Variants in MYLK observed in about 807,000 individuals in gnomAD.
The protein encoded by MYLK is myosin light chain kinase, smooth muscle.
MYLK carries 106 observed loss-of-function variants against 203.4 expected under a neutral mutation model. The observed-to-expected ratio is 0.52, with a 90% confidence interval of 0.45 to 0.61. MYLK has a LOEUF of 0.61. Among genes scored for constraint, MYLK ranks in the 20% least tolerant of loss-of-function variants. The pLI, the probability that MYLK is intolerant of heterozygous loss-of-function variation, is 0.00. For synonymous variants in MYLK, 867 were observed against 959.5 expected, an observed-to-expected ratio of 0.90 and a Z score of 1.78; for missense variants, 2,072 against 2,442.3, an observed-to-expected ratio of 0.85 and a Z score of 3.20.
chr3:123,625,635 T>C (rs820452), intron 31 of MYLK, among the ~76,000 whole-genome samples: 58,057 of 151,476 alleles, frequency 0.38, 16,598 homozygotes, highest in African/African-American at 0.78. Context: ...GGTGAAACCC[T>C]GTCTCCACTA....
chr3:123,619,276 G>A (rs1000651453), intron 32 of MYLK, among the ~76,000 whole-genome samples: 1 of 152,166 alleles, frequency 6.6e-6, no homozygotes, highest in African/African-American at 2.4e-5. Flanking sequence ...ACCAGGATGT[G>A]GGATTGGTTC....
intron 2 of MYLK, among the ~76,000 whole-genome samples, chr3:123,840,911 T>C (rs1255120263): frequency 6.3e-5 from 3 of 47,758 alleles, no homozygotes; most frequent in African/African-American, 3.2e-4. Context: ...AATTCCTTGT[T>C]TTAAAAAGGC....
At chr3:123,665,488 G>C (rs2059705686) in intron 22 of MYLK, among the ~76,000 whole-genome samples, 1 of 152,158 alleles carries the variant, frequency 6.6e-6, no homozygotes, top group Non-Finnish European at 1.5e-5. Flanking sequence ...TCTGGGGCTA[G>C]GAGAATTTGA....
In MYLK at chr3:123,759,256, G is replaced by A. The variant is rs1441905921; in HGVS notation, c.166-6718C>T. 9.9e-5 allele frequency among the ~76,000 whole-genome samples: 15 copies of A among 152,088 alleles called. No homozygotes were observed. In the East Asian group the frequency reaches 2.9e-3, roughly 29 times the overall value. ...CTCCCAGCCCTTCTGGGATAGTTGTGGGGCTCCAGGCTTTCCAGAACCTCT... is the reference window on the plus strand; with the variant it reads ...CTCCCAGCCCTTCTGGGATAGTTGTAGGGCTCCAGGCTTTCCAGAACCTCT... On this transcript the variant is annotated intron_variant, in intron 4 of 33. Transcript: ENST00000360304.
chr3:123,868,164 G>A (rs1206027509), intron 2 of MYLK, among the ~76,000 whole-genome samples: 2 of 152,182 alleles, frequency 1.3e-5, no homozygotes, highest in Non-Finnish European at 2.9e-5. Context: ...CCACCAGTGG[G>A]AGAGAGTTCA....
At chr3:123,717,354 C>T (rs2061932223) in intron 13 of MYLK, among the ~76,000 whole-genome samples, 1 of 152,230 alleles carries the variant, frequency 6.6e-6, no homozygotes, top group Admixed American at 6.5e-5. Flanking sequence ...TCATTAGAAG[C>T]TCTGCATCAA....
At chr3:123,867,467 C>T (rs943021931) in intron 2 of MYLK, among the ~76,000 whole-genome samples, 3 of 148,604 alleles carry the variant, frequency 2.0e-5, no homozygotes, top group African/African-American at 5.0e-5. Context: ...ATGCATTGGA[C>T]GCAGACACAC....
chr3:123,749,278 C>CAA (rs571864269), intron 5 of MYLK, among the ~76,000 whole-genome samples: 8 of 120,384 alleles, frequency 6.6e-5, no homozygotes, highest in Non-Finnish European at 1.1e-4. Context: ...GACCTAGCCT[C>CAA]AAAAAAAAAA....
chr3:123,778,600 G>A (rs534726049), intron 4 of MYLK, among the ~76,000 whole-genome samples: 39 of 151,728 alleles, frequency 2.6e-4, no homozygotes, highest in African/African-American at 9.4e-4. Flanking sequence ...CCCAGGGCCT[G>A]AGATTGTCAG....
At position 123,610,774 on chromosome 3, in the gene MYLK, T is replaced by C. The variant is rs2057230522; in HGVS notation, c.*3331A>G. 6.6e-6 allele frequency: 1 copy of C among 152,214 alleles called. No individual in the cohort carries two copies. The highest frequency in any genetic ancestry group is 2.1e-4 in the South Asian group (1 of 4,832). 9.4% of individuals were successfully genotyped at this position (152,214 alleles called of 1,614,324 possible). A position where few individuals can be genotyped will look rare whatever the true frequency, so the allele number is the denominator to read the frequency against. ...TTATTTATTACCTCCTATGTACTTA[T>C]TAGCACAGATTTATCAAAAACAGGT... is the stretch of plus-strand genomic sequence containing the variant. On this transcript the variant is annotated 3_prime_UTR_variant, in exon 34 of 34. Coordinates refer to ENST00000360304, the MANE Select transcript of MYLK (RefSeq NM_053025.4).
At chr3:123,840,639 T>C (rs1471670064) in intron 2 of MYLK, among the ~76,000 whole-genome samples, 1 of 151,640 alleles carries the variant, frequency 6.6e-6, no homozygotes, top group Non-Finnish European at 1.5e-5. Flanking sequence ...TTCATAAATA[T>C]AAACACAAAA....
intron 3 of MYLK, among the ~76,000 whole-genome samples, chr3:123,830,286 A>G (rs1390450967): frequency 6.6e-6 from 1 of 152,218 alleles, no homozygotes; most frequent in South Asian, 2.1e-4. Context: ...CCTAAAATAA[A>G]GCCCCCATCT....
intron 3 of MYLK, among the ~76,000 whole-genome samples, chr3:123,815,045 G>A (rs2065701716): frequency 6.6e-6 from 1 of 152,096 alleles, no homozygotes; most frequent in Non-Finnish European, 1.5e-5. Context: ...CACCCACCTT[G>A]GCCTCCCAAA....
chr3:123,822,671 T>C (rs2065977631), intron 3 of MYLK, among the ~76,000 whole-genome samples: 1 of 152,198 alleles, frequency 6.6e-6, no homozygotes, highest in Non-Finnish European at 1.5e-5. Context: ...GTTAAGAATC[T>C]GACACATTTG....
At chr3:123,769,952 C>G (rs551904562) in intron 4 of MYLK, among the ~76,000 whole-genome samples, 2 of 152,052 alleles carry the variant, frequency 1.3e-5, no homozygotes, top group Non-Finnish European at 2.9e-5. Flanking sequence ...AGGCTGCTCA[C>G]GAGTACTAAA....
chr3:123,804,560 C>A (rs562693227), intron 3 of MYLK, among the ~76,000 whole-genome samples: 1 of 152,296 alleles, frequency 6.6e-6, no homozygotes, highest in Admixed American at 6.5e-5. Flanking sequence ...GACTGTAGAT[C>A]CCATGCCTTC....
At chr3:123,620,120 A>T in intron 32 of MYLK, 87 bp downstream of exon 32, 1 of 1,190,350 alleles carries the variant, frequency 8.4e-7, no homozygotes, top group Non-Finnish European at 1.2e-6. Context: ...AAAAAAAAAA[A>T]GAACAAAACC....
At chr3:123,622,772 A>G (rs2107923013) in intron 31 of MYLK, 1 of 152,362 alleles carries the variant, frequency 6.6e-6, no homozygotes, top group African/African-American at 2.4e-5. Flanking sequence ...CAGAACTAGA[A>G]ATGAATATAT....
chr3:123,721,996 G>C, intron 13 of MYLK, 132 bp downstream of exon 13: 2 of 1,165,876 alleles, frequency 1.7e-6, no homozygotes, highest in Non-Finnish European at 2.5e-6. Context: ...CCAGTGGTGT[G>C]GAGTAGTGCC....
Sources: allele counts gnomAD v4.1 joint callset (sites outside exome capture counted in the v4.1 genomes callset), GRCh38; gene constraint gnomAD v4.1.1; transcripts MANE v1.5; gene names NCBI Gene and HGNC (gene_info 2026-07-23, HGNC 2026-07-21).